The following PIAS1 variants were observed in gnomAD, a reference collection of about 807,000 sequenced individuals.
PIAS1 encodes protein inhibitor of activated STAT 1.
Under a neutral mutation model 71.3 loss-of-function variants are expected in PIAS1, and 6 were observed. The observed-to-expected ratio is 0.08, with a 90% CI of 0.05 to 0.17. The LOEUF is 0.17. PIAS1 is among the 10% of genes least tolerant of loss of function. The pLI, the probability that PIAS1 is intolerant of heterozygous loss-of-function variation, is 1.00. For missense variants in PIAS1, 555 were observed against 793.6 expected (o/e 0.70, Z 3.61); for synonymous variants, 303 against 292.9 (o/e 1.03, Z -0.35).
intron 2 of PIAS1, 128 bp from the exon 3 acceptor site, chr15:68,141,818 A>C: frequency 3.4e-6 from 2 of 589,340 alleles, no homozygotes; most frequent in East Asian, 2.8e-5. Context: ...TCAGTGCTTT[A>C]ATTGCCTTGT....
intron 2 of PIAS1, among the ~76,000 whole-genome samples, chr15:68,098,605 A>G (rs1001187035): frequency 6.6e-6 from 1 of 152,222 alleles, no homozygotes; most frequent in Non-Finnish European, 1.5e-5. Flanking sequence ...AAGGGTTTGC[A>G]ATGAAAAGGA....
chr15:68,184,274 C>T (rs1056009354), intron 13 of PIAS1: 2 of 152,274 alleles, frequency 1.3e-5, no homozygotes, highest in Non-Finnish European at 2.9e-5. Context: ...GCTCACCAGT[C>T]AGGCAGTCCC....
chr15:68,054,362 C>G lies in PIAS1; in HGVS notation c.24+12C>G, dbSNP rs2091870745. On this transcript the variant is annotated intron_variant, in intron 1 of 13. Coordinates refer to ENST00000249636, the MANE Select transcript of PIAS1 (RefSeq NM_016166.3). This position sits in a 1 kb window ranked among gnomAD's most constrained non-coding sequence, Gnocchi z 4.6. ...GTGCGGAACTAAAGGTAAAGCGCAG[C>G]TCGAATTCACTTCTAATATTCGGCC... 6.4e-7 allele frequency: 1 copy of G among 1,570,306 alleles called. No homozygotes were observed. The highest frequency in any genetic ancestry group is 8.6e-7 in the Non-Finnish European group (1 of 1,158,228).
At chr15:68,117,574 C>G (rs974093010) in intron 2 of PIAS1, among the ~76,000 whole-genome samples, 1 of 152,214 alleles carries the variant, frequency 6.6e-6, no homozygotes, top group Non-Finnish European at 1.5e-5. Context: ...TCTGTGAGAA[C>G]AGCCTTTCAG....
intron 2 of PIAS1, among the ~76,000 whole-genome samples, chr15:68,116,590 A>C (rs1214279503): frequency 1.6e-3 from 239 of 151,634 alleles, no homozygotes; most frequent in Non-Finnish European, 1.5e-4. Flanking sequence ...TTCTGCTCTG[A>C]TCTTTATTAT....
chr15:68,127,559 T>G (rs201512086), intron 2 of PIAS1, among the ~76,000 whole-genome samples: 63 of 114,474 alleles, frequency 5.5e-4, no homozygotes, highest in African/African-American at 1.8e-3. Context: ...GCTTTCCAGT[T>G]TCTACACTTT....
intron 2 of PIAS1, among the ~76,000 whole-genome samples, chr15:68,100,525 A>G (rs770790386): frequency 2.6e-5 from 4 of 152,160 alleles, no homozygotes; most frequent in Middle Eastern, 3.2e-3. Flanking sequence ...CTATCATATA[A>G]TGTAGTTTCA....
At chr15:68,115,488 T>C (rs533555666) in intron 2 of PIAS1, among the ~76,000 whole-genome samples, 2 of 152,258 alleles carry the variant, frequency 1.3e-5, no homozygotes, top group East Asian at 3.9e-4. Context: ...ATAGGTCATA[T>C]TTTCTATGAA....
intron 2 of PIAS1, among the ~76,000 whole-genome samples, chr15:68,136,835 T>C (rs947762862): frequency 8.5e-5 from 13 of 152,180 alleles, no homozygotes; most frequent in African/African-American, 3.1e-4. Flanking sequence ...GGAGGAAATA[T>C]TTGTAGCAAA....
chr15:68,183,504 T>G, intron 12 of PIAS1, 126 bp from the exon 13 acceptor site: 2 of 587,156 alleles, frequency 3.4e-6, no homozygotes, highest in East Asian at 3.1e-5. Flanking sequence ...GCTCAACTCT[T>G]CATGTTTAAA....
At chr15:68,097,767 TC>T (rs1211952806) in intron 2 of PIAS1, among the ~76,000 whole-genome samples, 1 of 152,164 alleles carries the variant, frequency 6.6e-6, no homozygotes, top group Non-Finnish European at 1.5e-5. Flanking sequence ...TTTTTCAACA[TC>T]TGATGAGATG....
rs184589332 is a variant in PIAS1, at chr15:68,161,138, C to T, written c.935-3593C>T. Among the ~76,000 whole-genome samples, 283 of 152,226 alleles carry T rather than the reference C, an allele frequency of 1.9e-3. 1 individual carries two copies. Among genetic ancestry groups the T allele is most frequent in the Non-Finnish European group, 2.2e-3 (152 of 67,992 alleles). ...AGAATGCATGGTCAATATACAAAAA[C>T]AAATTGTATTTCTGTTAGTAATGAA... is the stretch of plus-strand genomic sequence containing the variant. On this transcript the variant is annotated intron_variant, in intron 7 of 13. Transcript: ENST00000249636.
Position 68,150,044 on chromosome 15 carries a change from CAAAA to C in PIAS1, c.828+3345_828+3348del, listed in dbSNP as rs2092834585. Among the ~76,000 whole-genome samples the C allele has an allele frequency of 2.6e-5, 4 of 151,788 alleles. No homozygotes were observed. The South Asian group carries it at 8.3e-4, about 31-fold the overall frequency. On this transcript the variant is annotated intron_variant, in intron 6 of 13. Coordinates refer to ENST00000249636, the MANE Select transcript of PIAS1 (RefSeq NM_016166.3). ...TTTAGAAATGGATTTTGAATTATATCAAAATTCTTTTTGACATCTCTCAGGGTTA... is the reference window on the plus strand; with the variant it reads ...TTTAGAAATGGATTTTGAATTATATCTTCTTTTTGACATCTCTCAGGGTTA...
chr15:68,181,140 C>T (rs2093051291), intron 11 of PIAS1, 72 bp from the exon 12 acceptor site: 1 of 1,355,604 alleles, frequency 7.4e-7, no homozygotes, highest in Admixed American at 1.9e-5. Flanking sequence ...TTGTGAGATA[C>T]AACCCCTTTT....
intron 2 of PIAS1, among the ~76,000 whole-genome samples, chr15:68,127,803 C>T (rs1233089048): frequency 2.6e-5 from 4 of 152,080 alleles, no homozygotes; most frequent in Non-Finnish European, 2.9e-5. Context: ...CGCTCTATTG[C>T]CCAGGCTGGA....
At position 68,174,054 on chromosome 15, in the gene PIAS1, T is replaced by G. The variant is rs11637072; in HGVS notation, c.1169+162T>G. Among the ~76,000 whole-genome samples, 3,855 of 152,356 alleles carry G rather than the reference T, an allele frequency of 0.025. 82 individuals are homozygous for G. Among genetic ancestry groups the G allele is most frequent in the Admixed American group, 0.036 (551 of 15,298 alleles). On this transcript the variant is annotated intron_variant, in intron 9 of 13. Coordinates refer to ENST00000249636, the MANE Select transcript of PIAS1 (RefSeq NM_016166.3). The surrounding 1 kb of genome is among the most constrained non-coding windows in gnomAD (Gnocchi z 4.0). ...AGTAATTTATTTCAAATTAGTGTTA[T>G]GAATATTTTATCTTTTTAAATTGAT...
intron 1 of PIAS1, among the ~76,000 whole-genome samples, chr15:68,068,519 C>G (rs1287764065): frequency 6.6e-6 from 1 of 152,026 alleles, no homozygotes; most frequent in Non-Finnish European, 1.5e-5. Flanking sequence ...ATGGCGCTAT[C>G]TCGGCTCACT....
chr15:68,141,851 C>T, intron 2 of PIAS1, 95 bp from the exon 3 acceptor site: 1 of 714,556 alleles, frequency 1.4e-6, no homozygotes, highest in Non-Finnish European at 2.5e-6. Context: ...AGAATATATA[C>T]CAGTTAATTA....
rs566295620 is a variant in PIAS1 at position 68,187,083 on chromosome 15, A to G, written c.1663-459A>G. 1.3e-5 allele frequency among the ~76,000 whole-genome samples: 2 copies of G among 152,306 alleles called. No individual in the cohort carries two copies. Among genetic ancestry groups the G allele is most frequent in the Admixed American group, 6.5e-5 (1 of 15,298 alleles). On this transcript the variant is annotated intron_variant, in intron 13 of 13. Transcript: ENST00000249636. The surrounding 1 kb of genome is among the most constrained non-coding windows in gnomAD (Gnocchi z 5.3). ...CTTTAAAATTTAAATAAAAATTCTAACTTTCAGTGGTGCCTGAGTGTATAA... is the reference window on the plus strand; with the variant it reads ...CTTTAAAATTTAAATAAAAATTCTAGCTTTCAGTGGTGCCTGAGTGTATAA...
Sources: gnomAD v4.1 joint callset for allele counts (sites outside exome capture counted in the v4.1 genomes callset) on GRCh38, gnomAD v4.1.1 for gene constraint, Gnocchi (gnomAD v3.1) non-coding constraint, MANE v1.5 for transcripts, NCBI Gene and HGNC (gene_info 2026-07-23, HGNC 2026-07-21) for gene names.